Variants in SLC39A10 observed in about 807,000 individuals in gnomAD.
SLC39A10 encodes solute carrier family 39 member 10.
SLC39A10 carries 13 observed loss-of-function variants against 65.1 expected under a neutral mutation model. That is an observed-to-expected ratio of 0.20 (90% confidence interval 0.13 to 0.32). The LOEUF is 0.32. SLC39A10 is among the 10% of genes least tolerant of loss of function. SLC39A10 has a pLI of 1.00. For missense variants in SLC39A10, 831 were observed against 1,018.4 expected (o/e 0.82, Z 2.50); for synonymous variants, 321 against 342.2 (o/e 0.94, Z 0.68).
intron 8 of SLC39A10, among the ~76,000 whole-genome samples, chr2:195,725,659 G>GAT (rs1214313326): frequency 1.3e-5 from 2 of 152,152 alleles, no homozygotes; most frequent in African/African-American, 4.8e-5. Context: ...GCCTGTTTAT[G>GAT]AATGTGTGCA....
chr2:195,653,666 C>G (rs1167402928), upstream of SLC39A10, among the ~76,000 whole-genome samples: 2 of 152,200 alleles, frequency 1.3e-5, no homozygotes, highest in Non-Finnish European at 2.9e-5. Context: ...ATGCCTGGTA[C>G]TAGTGTTTCA....
intron 2 of SLC39A10, among the ~76,000 whole-genome samples, chr2:195,683,267 C>G (rs1690401792): frequency 6.6e-6 from 1 of 151,780 alleles, no homozygotes. Context: ...AAACAATATG[C>G]TTTTAGAGTG....
intron 2 of SLC39A10, among the ~76,000 whole-genome samples, chr2:195,640,492 T>TA (rs1401719139): frequency 6.6e-6 from 1 of 151,514 alleles, no homozygotes; most frequent in Non-Finnish European, 1.5e-5. Context: ...TGGCATACAC[T>TA]AGTTTTTTTT....
intron 1 of SLC39A10, among the ~76,000 whole-genome samples, chr2:195,660,103 A>G (rs1029404978): frequency 2.0e-5 from 3 of 152,200 alleles, no homozygotes; most frequent in African/African-American, 7.2e-5. Flanking sequence ...ATGACACATG[A>G]ATATGCAGAG....
intron 3 of SLC39A10, among the ~76,000 whole-genome samples, chr2:195,694,806 A>C (rs1261431011): frequency 6.6e-6 from 1 of 152,144 alleles, no homozygotes; most frequent in Non-Finnish European, 1.5e-5. Context: ...GTGGGGCTAT[A>C]GAGCTCCCAA....
chr2:195,644,760 C>A (rs61339155), intron 2 of SLC39A10, among the ~76,000 whole-genome samples: 33,007 of 151,042 alleles, frequency 0.22, 4,252 homozygotes, highest in East Asian at 0.6. Context: ...AGCTTTATCA[C>A]GCCACTGCAC....
chr2:195,616,284 A>C (rs989631449), intron 2 of SLC39A10, among the ~76,000 whole-genome samples: 2 of 148,672 alleles, frequency 1.3e-5, no homozygotes, highest in Non-Finnish European at 3.0e-5. Context: ...CTGATATTTT[A>C]ATATTTCAAT....
chr2:195,680,728 C>A lies in SLC39A10; in HGVS notation c.686C>A (p.Pro229Gln), dbSNP rs139926734. Residue 229 changes from proline to glutamine, a missense_variant, in exon 2 of 10, where the codon CCG (proline) becomes CAG (glutamine). Coordinates refer to ENST00000359634, the MANE Select transcript of SLC39A10 (RefSeq NM_020342.3). ...CAGGAACAATCTGATGTTAAACTACCGAAAGGAAAGAGGAAGAAAAAAGGG... is the reference window on the plus strand; with the variant it reads ...CAGGAACAATCTGATGTTAAACTACAGAAAGGAAAGAGGAAGAAAAAAGGG... ...KTQEQSDVKL[P>Q]KGKRKKKGRK... is the part of the protein sequence containing the mutation. 99 of 1,613,636 alleles carry A rather than the reference C, an allele frequency of 6.1e-5. 1 individual carries two copies. The highest frequency in any genetic ancestry group is 1.4e-5 in the Non-Finnish European group (17 of 1,179,968).
At chr2:195,645,225 T>A (rs568338574) in intron 2 of SLC39A10, among the ~76,000 whole-genome samples, 189 of 145,164 alleles carry the variant, frequency 1.3e-3, no homozygotes, top group African/African-American at 4.3e-3. Flanking sequence ...CTACTTTATT[T>A]AAAAAAAAAA....
intron 2 of SLC39A10, among the ~76,000 whole-genome samples, chr2:195,648,768 A>G (rs1641997519): frequency 6.6e-6 from 1 of 152,206 alleles, no homozygotes; most frequent in African/African-American, 2.4e-5. Flanking sequence ...GCTCTGCCAT[A>G]TTTTATGTAA....
At chr2:195,629,833 C>A (rs1453320050) in intron 2 of SLC39A10, among the ~76,000 whole-genome samples, 1 of 152,108 alleles carries the variant, frequency 6.6e-6, no homozygotes, top group Non-Finnish European at 1.5e-5. Context: ...TGGGATCAAG[C>A]AATCCTGCTT....
intron 2 of SLC39A10, among the ~76,000 whole-genome samples, chr2:195,629,690 T>C (rs1688544862): frequency 6.6e-6 from 1 of 152,328 alleles, no homozygotes; most frequent in African/African-American, 2.4e-5. Flanking sequence ...TCTTACATTA[T>C]ACAAATGATT....
chr2:195,682,857 T>TA (rs546650490), intron 2 of SLC39A10, among the ~76,000 whole-genome samples: 3,060 of 143,144 alleles, frequency 0.021, 44 homozygotes, highest in Non-Finnish European at 0.028. Flanking sequence ...AAATAAAAAA[T>TA]AAAAAAAAAA....
chr2:195,614,419 CT>C (rs1459382737), intron 2 of SLC39A10, among the ~76,000 whole-genome samples: 4 of 152,142 alleles, frequency 2.6e-5, no homozygotes, highest in Non-Finnish European at 5.9e-5. Context: ...GCCCTCCACA[CT>C]TTTATGGATT....
chr2:195,727,533 G>GA (rs5837475), intron 8 of SLC39A10, among the ~76,000 whole-genome samples: 78,779 of 150,902 alleles, frequency 0.52, 21,098 homozygotes, highest in Non-Finnish European at 0.6. Context: ...TTCTTTCTGG[G>GA]AAAAAAAAAT....
chr2:195,643,611 T>C (rs191535881), intron 2 of SLC39A10, among the ~76,000 whole-genome samples: 1 of 152,336 alleles, frequency 6.6e-6, no homozygotes, highest in East Asian at 1.9e-4. Flanking sequence ...ACTGATGGCT[T>C]GAAAGAAGTG....
chr2:195,638,230 C>A (rs1239762390), intron 2 of SLC39A10, among the ~76,000 whole-genome samples: 4 of 152,114 alleles, frequency 2.6e-5, no homozygotes, highest in African/African-American at 4.8e-5. Flanking sequence ...TGGACTCAAG[C>A]CATCCTCCTG....
intron 1 of SLC39A10, among the ~76,000 whole-genome samples, chr2:195,668,432 CTT>C (rs1348349952): frequency 2.0e-5 from 3 of 152,120 alleles, no homozygotes; most frequent in African/African-American, 4.8e-5. Flanking sequence ...AGTGATTAAT[CTT>C]TTGGTTTCTA....
chr2:195,719,667 G>A (rs931462490), intron 8 of SLC39A10, among the ~76,000 whole-genome samples: 1 of 151,650 alleles, frequency 6.6e-6, no homozygotes, highest in Admixed American at 6.6e-5. Flanking sequence ...GCCCAGGCTG[G>A]AGTGCAGTGG....
Sources: gnomAD v4.1 joint callset for allele counts (sites outside exome capture counted in the v4.1 genomes callset) on GRCh38, gnomAD v4.1.1 for gene constraint, MANE v1.5 for transcripts, NCBI Gene and HGNC (gene_info 2026-07-23, HGNC 2026-07-21) for gene names.